CCDC149: variants seen among roughly 807,000 people sequenced by gnomAD.
The protein encoded by CCDC149 is coiled-coil domain containing 149, also known as coiled-coil domain-containing protein 149.
In CCDC149, 45 loss-of-function variants were observed where a neutral mutation model predicts 59.9. The observed-to-expected ratio is 0.75, with a 90% CI of 0.59 to 0.96. CCDC149 has a LOEUF of 0.96. Ranked by LOEUF, CCDC149 falls within the 40% of genes least tolerant of loss-of-function variation. The pLI, the probability that CCDC149 is intolerant of heterozygous loss-of-function variation, is 0.00. For synonymous variants in CCDC149, 245 were observed against 260.6 expected (o/e 0.94, Z 0.58); for missense variants, 584 against 664.7 (o/e 0.88, Z 1.33).
At chr4:24,886,846 AC>A (rs1376285843) in intron 1 of CCDC149, among the ~76,000 whole-genome samples, 1 of 152,122 alleles carries the variant, frequency 6.6e-6, no homozygotes, top group African/African-American at 2.4e-5. Context: ...GCTGGTGTAT[AC>A]TAACACCAAA....
At chr4:24,964,540 C>T (rs1300773103) in intron 1 of CCDC149, among the ~76,000 whole-genome samples, 2 of 152,082 alleles carry the variant, frequency 1.3e-5, no homozygotes, top group South Asian at 2.1e-4. Flanking sequence ...GAAAACACAA[C>T]TTATCAGAAT....
At chr4:24,814,520 A>G (rs991142466) in intron 12 of CCDC149, among the ~76,000 whole-genome samples, 3 of 152,234 alleles carry the variant, frequency 2.0e-5, no homozygotes, top group Non-Finnish European at 2.9e-5. Context: ...AGTGTGGTTC[A>G]TGGACCAGCA....
chr4:24,853,100 C>T lies in CCDC149; in HGVS notation c.344G>A (p.Arg115Lys), dbSNP rs1717768065. 6.2e-7 allele frequency: 1 copy of T among 1,613,426 alleles called. No individual in the cohort carries two copies. Among genetic ancestry groups the T allele is most frequent in the Non-Finnish European group, 8.5e-7 (1 of 1,179,390 alleles). ...GTTGTCGCCCTGGACTTCTCCAAGC[C>T]TTTGCTGAAGTTCTTTAATTTCTTC... Residue 115 changes from arginine to lysine, a missense_variant, in exon 4 of 13, where the codon AGG (arginine) becomes AAG (lysine). Arg to Lys is a conservative substitution (Grantham distance 26). Transcript: ENST00000635206.
At chr4:24,844,169 G>A (rs918423788) in intron 4 of CCDC149, among the ~76,000 whole-genome samples, 1 of 151,872 alleles carries the variant, frequency 6.6e-6, no homozygotes, top group Middle Eastern at 3.2e-3. Context: ...AAATAATCGC[G>A]TTCATCTGCT....
intron 1 of CCDC149, among the ~76,000 whole-genome samples, chr4:24,963,027 A>T (rs973147229): frequency 5.3e-5 from 8 of 152,132 alleles, no homozygotes; most frequent in African/African-American, 1.9e-4. Context: ...TAGCCAAAAA[A>T]TTGAGAAAGA....
chr4:24,847,820 C>G (rs1717398953), intron 4 of CCDC149, among the ~76,000 whole-genome samples: 1 of 152,196 alleles, frequency 6.6e-6, no homozygotes, highest in Admixed American at 6.5e-5. Context: ...CTGGAGCTAT[C>G]TTTTCCTAGA....
At chr4:24,836,630 T>C in intron 6 of CCDC149, 122 bp from the exon 7 acceptor site, 1 of 634,404 alleles carries the variant, frequency 1.6e-6, no homozygotes, top group Non-Finnish European at 2.8e-6. Flanking sequence ...CATAACACCT[T>C]GCCTGCTCAC....
intron 1 of CCDC149, among the ~76,000 whole-genome samples, chr4:24,897,932 C>G (rs1720932801): frequency 6.6e-6 from 1 of 152,138 alleles, no homozygotes; most frequent in Non-Finnish European, 1.5e-5. Context: ...ACAGATTGAC[C>G]CCAGCAGCAC....
chr4:24,964,421 G>A (rs975193416), intron 1 of CCDC149, among the ~76,000 whole-genome samples: 2 of 152,144 alleles, frequency 1.3e-5, no homozygotes. Context: ...AATTTGAAAC[G>A]AATGACAGAA....
intron 3 of CCDC149, among the ~76,000 whole-genome samples, chr4:24,861,142 A>T (rs1041001737): frequency 6.6e-6 from 1 of 152,186 alleles, no homozygotes; most frequent in Non-Finnish European, 1.5e-5. Context: ...AAGTCACTAT[A>T]TGAAAAACAC....
At chr4:24,898,757 A>G (rs1720988928) in intron 1 of CCDC149, among the ~76,000 whole-genome samples, 1 of 152,038 alleles carries the variant, frequency 6.6e-6, no homozygotes, top group South Asian at 2.1e-4. Flanking sequence ...TCATTGCCCA[A>G]CCTCTTGGGG....
intron 1 of CCDC149, among the ~76,000 whole-genome samples, chr4:24,969,950 A>G (rs1723911242): frequency 6.6e-6 from 1 of 152,184 alleles, no homozygotes; most frequent in African/African-American, 2.4e-5. Flanking sequence ...CCAGGGAAAG[A>G]ACTCTCCTCT....
chr4:24,909,031 C>T (rs931535259), intron 1 of CCDC149, among the ~76,000 whole-genome samples: 5 of 152,200 alleles, frequency 3.3e-5, no homozygotes, highest in African/African-American at 1.2e-4. Flanking sequence ...ATTTCCAAAA[C>T]AGAACCCTGG....
At chr4:24,843,450 C>T (rs1717062895) in intron 4 of CCDC149, among the ~76,000 whole-genome samples, 1 of 152,162 alleles carries the variant, frequency 6.6e-6, no homozygotes, top group Non-Finnish European at 1.5e-5. Flanking sequence ...TAGTTTCCTC[C>T]ACATCCTCTC....
At chr4:24,831,225 A>G (rs1716123204) in intron 9 of CCDC149, 1 of 245,160 alleles carries the variant, frequency 4.1e-6, no homozygotes, top group East Asian at 9.0e-5. Flanking sequence ...CACCCAGGCG[A>G]TTATTTTATG....
chr4:24,922,139 C>T (rs890468344), intron 1 of CCDC149, among the ~76,000 whole-genome samples: 4 of 152,074 alleles, frequency 2.6e-5, no homozygotes, highest in African/African-American at 9.7e-5. Context: ...CATAAGAGAC[C>T]CACCCAACTC....
chr4:24,878,385 T>G (rs1719612396), intron 1 of CCDC149, among the ~76,000 whole-genome samples: 1 of 152,180 alleles, frequency 6.6e-6, no homozygotes, highest in South Asian at 2.1e-4. Flanking sequence ...ATGTCCTGGA[T>G]TTTGAGACGT....
At chr4:24,823,810 G>A (rs144451558) in intron 9 of CCDC149, among the ~76,000 whole-genome samples, 4 of 152,246 alleles carry the variant, frequency 2.6e-5, no homozygotes, top group Non-Finnish European at 5.9e-5. Flanking sequence ...GGTACTTAGA[G>A]CTTTTCTTTT....
intron 9 of CCDC149, 27 bp from the exon 10 acceptor site, chr4:24,822,600 C>A: frequency 6.7e-7 from 1 of 1,493,280 alleles, no homozygotes; most frequent in Non-Finnish European, 9.0e-7. Flanking sequence ...AAATGACAAT[C>A]AATTACTGAG....
Sources: allele counts gnomAD v4.1 joint callset (sites outside exome capture counted in the v4.1 genomes callset), GRCh38; gene constraint gnomAD v4.1.1; transcripts MANE v1.5; gene names NCBI Gene and HGNC (gene_info 2026-07-23, HGNC 2026-07-21).